The following UGGT1 variants were observed in gnomAD, a reference collection of about 807,000 sequenced individuals.
UGGT1 encodes the protein UDP-glucose glycoprotein glucosyltransferase 1, also known as UDP-glucose:glycoprotein glucosyltransferase 1.
In UGGT1, 107 loss-of-function variants were observed where a neutral mutation model predicts 203.9. The ratio of observed to expected loss-of-function variants is 0.52; its 90% CI spans 0.45 to 0.62. The LOEUF (loss-of-function observed/expected upper bound fraction) is 0.62. Ranked by LOEUF, UGGT1 falls within the 20% of genes least tolerant of loss-of-function variation. The probability of loss-of-function intolerance (pLI) is 0.00; values close to 1 mark genes in which losing one functional copy is unlikely to be tolerated. For synonymous variants in UGGT1, 628 were observed against 653.5 expected (o/e 0.96, Z 0.59); for missense variants, 1,673 against 1,867.2 (o/e 0.90, Z 1.92).
intron 11 of UGGT1, among the ~76,000 whole-genome samples, chr2:128,126,464 A>G (rs1241090172): frequency 2.0e-5 from 3 of 150,086 alleles, no homozygotes; most frequent in African/African-American, 4.9e-5. Context: ...CTGGTCTCAA[A>G]CTCCTGACCT....
chr2:128,180,732 C>G (rs1240905670), intron 35 of UGGT1, among the ~76,000 whole-genome samples, 158 bp from the exon 36 acceptor site: 2 of 152,174 alleles, frequency 1.3e-5, no homozygotes, highest in Non-Finnish European at 2.9e-5. Context: ...ATCTGTTCTT[C>G]TATGTAGTCA....
Position 128,174,652 on chromosome 2 carries a change from T to A in UGGT1, c.3454-121T>A, listed in dbSNP as rs1377213609. 4.5e-6 allele frequency: 4 copies of A among 881,952 alleles called. No individual in the cohort carries two copies. The East Asian group carries it at 1.0e-4, about 22-fold the overall frequency. 54.6% of individuals were successfully genotyped at this position (881,952 alleles called of 1,614,324 possible). ...TTGGTTTTTTAAGAGTTGCATTGAT[T>A]TGTTTACTGTGTTATTCACATTATA... On this transcript the variant is annotated intron_variant, in intron 30 of 40. Transcript: ENST00000259253.
intron 26 of UGGT1, 50 bp downstream of exon 26, chr2:128,164,875 AT>A (rs1690711331): frequency 7.1e-7 from 1 of 1,399,546 alleles, no homozygotes; most frequent in South Asian, 1.4e-5. Flanking sequence ...TTAAACTCTT[AT>A]GTTTGCTTTA....
intron 8 of UGGT1, among the ~76,000 whole-genome samples, chr2:128,118,144 T>C (rs2105382482): frequency 6.6e-6 from 1 of 152,336 alleles, no homozygotes; most frequent in Non-Finnish European, 1.5e-5. Flanking sequence ...TTAGTTTACA[T>C]TGAATTACAT....
At chr2:128,129,489 C>T (rs1000803286) in intron 13 of UGGT1, among the ~76,000 whole-genome samples, 1 of 151,480 alleles carries the variant, frequency 6.6e-6, no homozygotes, top group Non-Finnish European at 1.5e-5. Flanking sequence ...ACCTCTGCCT[C>T]CCAGGTTCAA....
At chr2:128,176,682 T>C (rs1346599142) in intron 31 of UGGT1, 132 bp from the exon 32 acceptor site, 1 of 847,580 alleles carries the variant, frequency 1.2e-6, no homozygotes, top group Non-Finnish European at 1.9e-6. Flanking sequence ...TCGAAGGAGC[T>C]TAAGGAGCAA....
At chr2:128,163,194 A>T (rs1175769539) in intron 25 of UGGT1, among the ~76,000 whole-genome samples, 1 of 152,226 alleles carries the variant, frequency 6.6e-6, no homozygotes, top group Non-Finnish European at 1.5e-5. Flanking sequence ...CAGGAAGAGA[A>T]TGGCCTGTAT....
At chr2:128,116,208 G>A (rs1573517978) in intron 7 of UGGT1, 57 bp from the exon 8 acceptor site, 5 of 1,182,928 alleles carry the variant, frequency 4.2e-6, no homozygotes, top group South Asian at 4.0e-5. Context: ...GACTAGTAAC[G>A]TTTTTGTTTC....
intron 29 of UGGT1, among the ~76,000 whole-genome samples, chr2:128,173,089 T>C (rs961292052): frequency 6.6e-6 from 1 of 152,224 alleles, no homozygotes; most frequent in Admixed American, 6.5e-5. Context: ...TTTGTATCTC[T>C]ATGGATTTGC....
chr2:128,130,260 CAA>C (rs59253377), intron 13 of UGGT1, among the ~76,000 whole-genome samples: 4 of 89,566 alleles, frequency 4.5e-5, no homozygotes, highest in Non-Finnish European at 4.7e-5. Context: ...GACTCCGTCA[CAA>C]AAAAAAAAAA....
intron 1 of UGGT1, among the ~76,000 whole-genome samples, chr2:128,095,673 G>C (rs1277766290): frequency 6.6e-6 from 1 of 151,976 alleles, no homozygotes; most frequent in African/African-American, 2.4e-5. Flanking sequence ...ATTTTTTTTG[G>C]TTTCCAAAGA....
chr2:128,127,307 A>G, intron 11 of UGGT1, 54 bp from the exon 12 acceptor site: 1 of 1,326,822 alleles, frequency 7.5e-7, no homozygotes, highest in Non-Finnish European at 1.1e-6. Context: ...AAACAATAAA[A>G]TTTTTTTTAA....
At chr2:128,092,609 T>TC (rs1228719811) in intron 1 of UGGT1, among the ~76,000 whole-genome samples, 3 of 145,890 alleles carry the variant, frequency 2.1e-5, no homozygotes, top group South Asian at 2.1e-4. Flanking sequence ...TTCTTTCTTT[T>TC]TTTTTTTTTT....
chr2:128,120,206 G>T (rs910325533), intron 8 of UGGT1, 150 bp from the exon 9 acceptor site: 1 of 618,940 alleles, frequency 1.6e-6, no homozygotes, highest in Non-Finnish European at 2.8e-6. Context: ...TTTTAAAGAG[G>T]AATAATTATA....
intron 2 of UGGT1, among the ~76,000 whole-genome samples, chr2:128,102,624 T>C (rs561556930): frequency 1.3e-5 from 2 of 152,232 alleles, no homozygotes; most frequent in Non-Finnish European, 2.9e-5. Context: ...GTTCCAAGTT[T>C]AGACCTTGTA....
intron 16 of UGGT1, among the ~76,000 whole-genome samples, chr2:128,142,809 C>G (rs886878261): frequency 1.3e-5 from 2 of 151,704 alleles, no homozygotes; most frequent in African/African-American, 4.8e-5. Context: ...ATGGTGAAAC[C>G]TGTCTCTACT....
At chr2:128,104,780 G>A (rs528930580) in intron 3 of UGGT1, among the ~76,000 whole-genome samples, 72 of 152,218 alleles carry the variant, frequency 4.7e-4, no homozygotes, top group African/African-American at 1.6e-3. Context: ...GCAAGTAGCT[G>A]GGATTACAGG....
At chr2:128,091,869 G>T (rs780116074) in intron 1 of UGGT1, among the ~76,000 whole-genome samples, 3 of 152,200 alleles carry the variant, frequency 2.0e-5, no homozygotes, top group Non-Finnish European at 2.9e-5. Flanking sequence ...ACTGTGATCT[G>T]TTGGCTGGAA....
intron 19 of UGGT1, 86 bp from the exon 20 acceptor site, chr2:128,155,403 T>C (rs1690179403): frequency 3.0e-6 from 3 of 986,320 alleles, no homozygotes; most frequent in East Asian, 2.5e-5. Flanking sequence ...ATAAATCTTA[T>C]ATTATGATCA....
Sources: gnomAD v4.1 joint callset for allele counts (sites outside exome capture counted in the v4.1 genomes callset) on GRCh38, gnomAD v4.1.1 for gene constraint, MANE v1.5 for transcripts, NCBI Gene and HGNC (gene_info 2026-07-23, HGNC 2026-07-21) for gene names.